The following MACIR variants were observed in gnomAD, a reference collection of about 807,000 sequenced individuals.
MACIR encodes the protein UNC119-binding protein C5orf30.
A neutral mutation model predicts 14.3 loss-of-function variants in MACIR; 4 were observed. That is an observed-to-expected ratio of 0.28 (90% confidence interval 0.14 to 0.64). The LOEUF is 0.64. MACIR is among the 30% of genes least tolerant of loss of function. The pLI, the probability that MACIR is intolerant of heterozygous loss-of-function variation, is 0.83. For synonymous variants in MACIR, 101 were observed against 102.4 expected (o/e 0.99, Z 0.08); for missense variants, 228 against 257.6 (o/e 0.89, Z 0.79).
intron 1 of MACIR, among the ~76,000 whole-genome samples, chr5:103,260,604 AGT>A (rs1390202071): frequency 1.3e-5 from 2 of 152,226 alleles, no homozygotes; most frequent in Non-Finnish European, 2.9e-5. Flanking sequence ...TGCAAATGAA[AGT>A]GTTAGTAATT....
Position 103,275,978 on chromosome 5 carries a change from G to T in MACIR, c.59G>T (p.Gly20Val). 6.2e-7 allele frequency: 1 copy of T among 1,613,948 alleles called. No homozygotes were observed. The highest frequency in any genetic ancestry group is 8.5e-7 in the Non-Finnish European group (1 of 1,180,010). ...RSTLTTLPFP[G>V]AEANSPGKAE... is the part of the protein sequence containing the mutation. ...ACCCTGACCACCTTGCCCTTCCCTGGGGCTGAGGCCAACTCCCCGGGAAAG... is the reference window on the plus strand; with the variant it reads ...ACCCTGACCACCTTGCCCTTCCCTGTGGCTGAGGCCAACTCCCCGGGAAAG... The change falls in exon 3 of 3, where the codon GGG (glycine) becomes GTG (valine). Residue 20 changes from glycine (G) to valine (V), a missense_variant. Gly to Val is a moderately radical substitution (Grantham distance 109). Coordinates refer to ENST00000319933, the MANE Select transcript of MACIR (RefSeq NM_033211.4).
At chr5:103,273,401 T>G (rs1455439270) in intron 2 of MACIR, among the ~76,000 whole-genome samples, 1 of 152,216 alleles carries the variant, frequency 6.6e-6, no homozygotes, top group Non-Finnish European at 1.5e-5. Context: ...GATGAGTTAC[T>G]TGTCTAACAA....
chr5:103,262,554 G>A (rs186180506), intron 1 of MACIR, among the ~76,000 whole-genome samples: 1 of 152,300 alleles, frequency 6.6e-6, no homozygotes, highest in East Asian at 1.9e-4. Context: ...TATCACCTGA[G>A]AAATTCGATA....
intron 1 of MACIR, among the ~76,000 whole-genome samples, chr5:103,261,693 T>TCTTTCTTTCTTTCTTC (rs1562545844): frequency 6.7e-5 from 8 of 119,328 alleles, no homozygotes; most frequent in African/African-American, 2.8e-4. Flanking sequence ...TTTCTTTCTT[T>TCTTTCTTTCTTTCTTC]CTTTCTTTCT....
At chr5:103,269,459 A>AC (rs147529003) in intron 2 of MACIR, among the ~76,000 whole-genome samples, 2 of 152,080 alleles carry the variant, frequency 1.3e-5, no homozygotes, top group Non-Finnish European at 2.9e-5. Context: ...GCTAAAAAAA[A>AC]CAGTGAAAGC....
rs146305549 is a variant in MACIR at position 103,266,552 on chromosome 5, T to C, written c.-24+555T>C. On this transcript the variant is annotated intron_variant, in intron 2 of 2. Coordinates refer to ENST00000319933, the MANE Select transcript of MACIR (RefSeq NM_033211.4). ...CTGTTTTCTTCCTTTAGTTGTCTTT[T>C]TTCAGTGTGTCATCTGTGTATCTTT... is the stretch of plus-strand genomic sequence containing the variant. Among the ~76,000 whole-genome samples, 94 of 152,300 alleles carry C rather than the reference T, an allele frequency of 6.2e-4. 1 individual carries two copies. Among genetic ancestry groups the C allele is most frequent in the African/African-American group, 2.2e-3 (92 of 41,564 alleles).
chr5:103,266,807 T>A (rs957976488), intron 2 of MACIR, among the ~76,000 whole-genome samples: 3 of 152,130 alleles, frequency 2.0e-5, no homozygotes, highest in African/African-American at 7.2e-5. Flanking sequence ...AAATTTCTAG[T>A]CAGCAGCAGA....
At chr5:103,260,221 C>CTTT (rs797038831) in intron 1 of MACIR, among the ~76,000 whole-genome samples, 7 of 139,098 alleles carry the variant, frequency 5.0e-5, no homozygotes, top group African/African-American at 1.8e-4. Flanking sequence ...ACTCATTTTC[C>CTTT]TTTTTTTTTT....
At chr5:103,267,830 A>G (rs1225400298) in intron 2 of MACIR, among the ~76,000 whole-genome samples, 1 of 152,046 alleles carries the variant, frequency 6.6e-6, no homozygotes, top group Non-Finnish European at 1.5e-5. Context: ...CAAATAGAAC[A>G]TTTTCATCAC....
chr5:103,269,451 TA>T (rs3217373), intron 2 of MACIR, among the ~76,000 whole-genome samples: 4 of 151,902 alleles, frequency 2.6e-5, no homozygotes, highest in East Asian at 1.9e-4. Context: ...TGTATGTTGC[TA>T]AAAAAAACAG....
rs561664386 is a variant in MACIR, at chr5:103,263,918, A to G, written c.-113-1990A>G. Among the ~76,000 whole-genome samples the G allele has an allele frequency of 1.3e-3, 194 of 152,264 alleles. 1 individual carries two copies. The highest frequency in any genetic ancestry group is 1.2e-3 in the East Asian group (6 of 5,176). ...TAGAAAATAGAAGCTCATAGGAGAA[A>G]GAGTCCATGATTCAGAAGGATTTTG... On this transcript the variant is annotated intron_variant, in intron 1 of 2. Transcript: ENST00000319933.
intron 2 of MACIR, among the ~76,000 whole-genome samples, chr5:103,269,893 T>A (rs1308166892): frequency 1.3e-5 from 2 of 152,158 alleles, no homozygotes; most frequent in Non-Finnish European, 2.9e-5. Context: ...GAATGAAATG[T>A]TATCTTTCCT....
chr5:103,276,802 A>G lies in MACIR; in HGVS notation c.*262A>G, dbSNP rs1007184075. The stretch of plus-strand genomic sequence containing the variant: ...GTTTGTATAGCTTTTTAGCTAGGAA[A>G]AAAAGGCTTTGGTACAGTAATTTCA... On this transcript the variant is annotated 3_prime_UTR_variant, in exon 3 of 3. Transcript: ENST00000319933. The G allele has an allele frequency of 6.2e-6, 2 of 324,664 alleles. No individual in the cohort carries two copies. Among genetic ancestry groups the G allele is most frequent in the Non-Finnish European group, 1.2e-5 (2 of 169,338 alleles). 20.1% of individuals were successfully genotyped at this position (324,664 alleles called of 1,614,324 possible).
intron 2 of MACIR, among the ~76,000 whole-genome samples, chr5:103,274,181 G>A (rs1805236468): frequency 4.6e-5 from 7 of 152,110 alleles, no homozygotes; most frequent in Admixed American, 4.6e-4. Context: ...GGATAAATTT[G>A]TCATTCGACT....
At chr5:103,273,699 AACTT>A (rs560661392) in intron 2 of MACIR, among the ~76,000 whole-genome samples, 3 of 151,960 alleles carry the variant, frequency 2.0e-5, no homozygotes, top group Non-Finnish European at 4.4e-5. Flanking sequence ...GTGCATTATT[AACTT>A]ACTTAGCAAA....
chr5:103,267,106 A>G (rs1422203111), intron 2 of MACIR, among the ~76,000 whole-genome samples: 4 of 152,108 alleles, frequency 2.6e-5, no homozygotes, highest in Non-Finnish European at 4.4e-5. Context: ...ATCTATGTCT[A>G]TCCATCTATC....
At chr5:103,268,948 G>A (rs1251036157) in intron 2 of MACIR, among the ~76,000 whole-genome samples, 2 of 152,038 alleles carry the variant, frequency 1.3e-5, no homozygotes, top group South Asian at 2.1e-4. Flanking sequence ...AGCCAGGGGC[G>A]GTGGCTCGCA....
At chr5:103,262,825 C>A (rs1179764792) in intron 1 of MACIR, among the ~76,000 whole-genome samples, 1 of 152,146 alleles carries the variant, frequency 6.6e-6, no homozygotes. Context: ...TGTTTTTATG[C>A]AGCATTTAGT....
intron 1 of MACIR, among the ~76,000 whole-genome samples, chr5:103,260,925 C>G (rs1804660101): frequency 2.0e-5 from 3 of 152,192 alleles, no homozygotes; most frequent in South Asian, 4.1e-4. Context: ...TACACCTGTT[C>G]CATTTTGATG....
Sources: gnomAD v4.1 joint callset for allele counts (sites outside exome capture counted in the v4.1 genomes callset) on GRCh38, gnomAD v4.1.1 for gene constraint, MANE v1.5 for transcripts, NCBI Gene and HGNC (gene_info 2026-07-23, HGNC 2026-07-21) for gene names.